Variants in TMEM132D observed in about 807,000 individuals in gnomAD.
TMEM132D encodes the protein transmembrane protein 132D.
In TMEM132D, 21 loss-of-function variants were observed where a neutral mutation model predicts 62.3. The observed-to-expected ratio is 0.34, with a 90% CI of 0.24 to 0.49. The LOEUF (loss-of-function observed/expected upper bound fraction) is 0.49. Among genes scored for constraint, TMEM132D ranks in the 20% least tolerant of loss-of-function variants. The pLI is 0.99. For synonymous variants in TMEM132D, 621 were observed against 575.6 expected (o/e 1.08, Z -1.13); for missense variants, 1,346 against 1,402.8 (o/e 0.96, Z 0.65).
chr12:129,669,769 C>T (rs1240291276), intron 2 of TMEM132D, among the ~76,000 whole-genome samples: 2 of 151,954 alleles, frequency 1.3e-5, no homozygotes, highest in African/African-American at 2.4e-5. Context: ...ATCTGTACTC[C>T]TCATCCTAGG....
At chr12:129,485,122 G>A (rs1179743624) in intron 3 of TMEM132D, among the ~76,000 whole-genome samples, 1 of 152,222 alleles carries the variant, frequency 6.6e-6, no homozygotes, top group Non-Finnish European at 1.5e-5. Flanking sequence ...GTGTGGTGGT[G>A]AGATGGGAGG....
chr12:129,619,773 AAAC>A (rs1257634437), intron 2 of TMEM132D, among the ~76,000 whole-genome samples: 4 of 152,214 alleles, frequency 2.6e-5, no homozygotes, highest in African/African-American at 9.6e-5. Flanking sequence ...GAAACTCGTT[AAAC>A]AACACTTCTT....
chr12:129,778,709 T>C (rs1871027300), intron 1 of TMEM132D, among the ~76,000 whole-genome samples: 1 of 152,270 alleles, frequency 6.6e-6, no homozygotes, highest in Non-Finnish European at 1.5e-5. Context: ...GGCATGGTTG[T>C]ATTTTGACTT....
At chr12:129,835,543 G>A (rs756236670) in intron 1 of TMEM132D, among the ~76,000 whole-genome samples, 23 of 152,098 alleles carry the variant, frequency 1.5e-4, no homozygotes, top group African/African-American at 4.3e-4. Flanking sequence ...CACCTGCCTC[G>A]GACTCCCAAA....
intron 3 of TMEM132D, among the ~76,000 whole-genome samples, chr12:129,345,672 TG>T (rs1229166635): frequency 6.6e-6 from 1 of 152,142 alleles, no homozygotes; most frequent in Admixed American, 6.6e-5. Context: ...GCAGCAGGTG[TG>T]TGCATGTTTG....
At chr12:129,651,956 C>T (rs1440094503) in intron 2 of TMEM132D, among the ~76,000 whole-genome samples, 2 of 152,182 alleles carry the variant, frequency 1.3e-5, no homozygotes, top group African/African-American at 4.8e-5. Flanking sequence ...TGACAACCTA[C>T]TTAGAAGACG....
chr12:129,520,359 C>A (rs890609088), intron 3 of TMEM132D, among the ~76,000 whole-genome samples: 1 of 152,188 alleles, frequency 6.6e-6, no homozygotes, highest in African/African-American at 2.4e-5. Flanking sequence ...TGTTCTAACA[C>A]AGAAGAAAAA....
At chr12:129,522,028 T>C (rs1875863414) in intron 3 of TMEM132D, among the ~76,000 whole-genome samples, 1 of 152,252 alleles carries the variant, frequency 6.6e-6, no homozygotes, top group African/African-American at 2.4e-5. Flanking sequence ...TTTGACAGTA[T>C]GTAATTTATA....
At chr12:129,893,236 C>T (rs1647200280) in intron 1 of TMEM132D, among the ~76,000 whole-genome samples, 1 of 152,052 alleles carries the variant, frequency 6.6e-6, no homozygotes, top group Admixed American at 6.5e-5. Context: ...CAATTTTTGC[C>T]TCTGTAAAAT....
At chr12:129,500,544 G>A (rs1875108091) in intron 3 of TMEM132D, among the ~76,000 whole-genome samples, 2 of 152,174 alleles carry the variant, frequency 1.3e-5, no homozygotes, top group South Asian at 2.1e-4. Context: ...GGTAAAACCT[G>A]CCCAAAGGGA....
intron 1 of TMEM132D, among the ~76,000 whole-genome samples, chr12:129,841,687 G>A (rs574022381): frequency 3.9e-5 from 6 of 152,142 alleles, no homozygotes; most frequent in Admixed American, 6.5e-5. Flanking sequence ...AGAACTCAAC[G>A]ACGAAGTTGT....
At chr12:129,193,157 C>CAA (rs56805583) in intron 5 of TMEM132D, among the ~76,000 whole-genome samples, 2 of 114,966 alleles carry the variant, frequency 1.7e-5, no homozygotes, top group African/African-American at 3.1e-5. Flanking sequence ...GATTCTGTCT[C>CAA]AAAAAAAAAA....
rs993688844 is a variant in TMEM132D at position 129,273,719 on chromosome 12, G to A, written c.1299+63915C>T. On this transcript the variant is annotated intron_variant, in intron 4 of 8. Coordinates refer to ENST00000422113, the MANE Select transcript of TMEM132D (RefSeq NM_133448.3). ...TTTATAAGCGGGAGCTAATCGCCGG[G>A]TGCCCATGGACATAAAGATGGGAAC... Among the ~76,000 whole-genome samples the A allele has an allele frequency of 7.2e-5, 11 of 151,878 alleles. No individual in the cohort carries two copies. The East Asian group carries it at 2.1e-3, about 29-fold the overall frequency.
chr12:129,157,854 G>T (rs1877291386), intron 5 of TMEM132D, among the ~76,000 whole-genome samples: 2 of 152,114 alleles, frequency 1.3e-5, no homozygotes, highest in Admixed American at 6.5e-5. Flanking sequence ...CAATCCACTT[G>T]CTAGAATGCT....
chr12:129,147,759 G>T (rs1876953658), intron 5 of TMEM132D, among the ~76,000 whole-genome samples: 1 of 152,198 alleles, frequency 6.6e-6, no homozygotes, highest in East Asian at 1.9e-4. Flanking sequence ...GGTGTTGGCT[G>T]CTATGTCCAC....
rs575012634 is a variant in TMEM132D, at chr12:129,188,604, G to C, written c.1443+20916C>G. 3.9e-5 allele frequency among the ~76,000 whole-genome samples: 6 copies of C among 152,290 alleles called. No individual in the cohort carries two copies. In the South Asian group the frequency reaches 1.0e-3, roughly 26 times the overall value. ...GACAGTTTTGGTCCCCAGTGGGCTT[G>C]TGGAGACACATACTAGCTGTCAGGC... On this transcript the variant is annotated intron_variant, in intron 5 of 8. Coordinates refer to ENST00000422113, the MANE Select transcript of TMEM132D (RefSeq NM_133448.3).
At chr12:129,899,124 GAAT>G (rs1420297973) in intron 1 of TMEM132D, among the ~76,000 whole-genome samples, 95 of 150,750 alleles carry the variant, frequency 6.3e-4, no homozygotes, top group African/African-American at 1.4e-3. Context: ...CAGATGGATG[GAAT>G]GATGAATGGA....
At chr12:129,174,336 T>C (rs930550629) in intron 5 of TMEM132D, among the ~76,000 whole-genome samples, 5 of 152,202 alleles carry the variant, frequency 3.3e-5, no homozygotes, top group African/African-American at 1.2e-4. Flanking sequence ...GTGTTTGGTT[T>C]TCTGTTCCTG....
intron 3 of TMEM132D, among the ~76,000 whole-genome samples, chr12:129,488,514 A>G: frequency 6.6e-6 from 1 of 152,244 alleles, no homozygotes; most frequent in African/African-American, 2.4e-5. Flanking sequence ...CTCTATTAAA[A>G]ATACAAAAAA....
Sources: allele counts gnomAD v4.1 joint callset (sites outside exome capture counted in the v4.1 genomes callset), GRCh38; gene constraint gnomAD v4.1.1; transcripts MANE v1.5; gene names NCBI Gene and HGNC (gene_info 2026-07-23, HGNC 2026-07-21).